STAG1: variants seen among roughly 807,000 people sequenced by gnomAD.
STAG1 encodes the protein STAG1 cohesin complex component.
Under a neutral mutation model 170.9 loss-of-function variants are expected in STAG1, and 26 were observed. The observed-to-expected ratio is 0.15, with a 90% CI of 0.11 to 0.21. The LOEUF is 0.21. Among genes scored for constraint, STAG1 ranks in the 10% least tolerant of loss-of-function variants. The pLI is 1.00. For synonymous variants in STAG1, 514 were observed against 497.7 expected, an observed-to-expected ratio of 1.03 and a Z score of -0.44; for missense variants, 964 against 1,509.5, an observed-to-expected ratio of 0.64 and a Z score of 5.99.
intron 1 of STAG1, among the ~76,000 whole-genome samples, chr3:136,724,374 A>T (rs1198787502): frequency 6.6e-6 from 1 of 151,256 alleles, no homozygotes; most frequent in African/African-American, 2.4e-5. Context: ...GTGGTGCAAG[A>T]TGCGCTTTGT....
intron 2 of STAG1, among the ~76,000 whole-genome samples, chr3:136,630,179 T>A (rs1344187430): frequency 6.6e-6 from 1 of 151,924 alleles, no homozygotes; most frequent in Non-Finnish European, 1.5e-5. Context: ...TGGGCAACAG[T>A]GGAAAATTCC....
At chr3:136,736,141 T>A (rs1325997858) in intron 1 of STAG1, among the ~76,000 whole-genome samples, 1 of 152,204 alleles carries the variant, frequency 6.6e-6, no homozygotes, top group Admixed American at 6.5e-5. Context: ...TTAAAAAATA[T>A]GTTTAACTGT....
intron 16 of STAG1, among the ~76,000 whole-genome samples, chr3:136,428,881 T>A (rs1225123709): frequency 6.6e-6 from 1 of 152,168 alleles, no homozygotes; most frequent in African/African-American, 2.4e-5. Context: ...ACGTCTGTAA[T>A]CCCCGCACTG....
At chr3:136,485,638 TAC>T (rs951534538) in intron 9 of STAG1, among the ~76,000 whole-genome samples, 20 of 152,300 alleles carry the variant, frequency 1.3e-4, no homozygotes, top group African/African-American at 3.8e-4. Flanking sequence ...AGAAATATAA[TAC>T]AGTTAAAAAT....
intron 15 of STAG1, among the ~76,000 whole-genome samples, chr3:136,435,779 C>A (rs1405032711): frequency 6.6e-6 from 1 of 152,078 alleles, no homozygotes; most frequent in Non-Finnish European, 1.5e-5. Flanking sequence ...CAGTGATTCT[C>A]CTGCCTCAGC....
intron 1 of STAG1, among the ~76,000 whole-genome samples, chr3:136,730,098 C>A (rs993739291): frequency 2.0e-5 from 3 of 151,832 alleles, no homozygotes; most frequent in Admixed American, 1.3e-4. Flanking sequence ...CCCAGGCCCT[C>A]TGTCACTGCA....
At chr3:136,652,369 T>A (rs1044985164) in intron 1 of STAG1, among the ~76,000 whole-genome samples, 1 of 152,234 alleles carries the variant, frequency 6.6e-6, no homozygotes, top group Non-Finnish European at 1.5e-5. Context: ...AAGTTAAGCA[T>A]TTTTGCCTCA....
chr3:136,719,407 A>G (rs974600500), intron 1 of STAG1, among the ~76,000 whole-genome samples: 2 of 152,102 alleles, frequency 1.3e-5, no homozygotes, highest in African/African-American at 4.8e-5. Flanking sequence ...GGGTGATAGA[A>G]GTATTCTGAA....
At chr3:136,623,283 A>G (rs777402473) in intron 2 of STAG1, 35 bp from the exon 3 acceptor site, 5 of 1,577,592 alleles carry the variant, frequency 3.2e-6, no homozygotes, top group Non-Finnish European at 4.3e-6. Flanking sequence ...CGAACAAATT[A>G]ATAAGTATAA....
intron 4 of STAG1, among the ~76,000 whole-genome samples, chr3:136,571,897 A>G (rs781666515): frequency 6.6e-5 from 10 of 152,018 alleles, no homozygotes; most frequent in Admixed American, 1.3e-4. Context: ...AAATGAATAA[A>G]TAAGGCTGGG....
chr3:136,523,144 ACT>A (rs1213341897), intron 6 of STAG1, among the ~76,000 whole-genome samples: 2 of 152,166 alleles, frequency 1.3e-5, no homozygotes, highest in African/African-American at 4.8e-5. Flanking sequence ...GAATCGCCAC[ACT>A]GTCTTCCACA....
At chr3:136,501,989 C>T (rs1325793460) in intron 8 of STAG1, among the ~76,000 whole-genome samples, 2 of 152,032 alleles carry the variant, frequency 1.3e-5, no homozygotes, top group African/African-American at 2.4e-5. Context: ...CGAGACCAGC[C>T]TGACCAACAT....
At chr3:136,459,160 G>A (rs1393596663) in intron 13 of STAG1, among the ~76,000 whole-genome samples, 1 of 151,258 alleles carries the variant, frequency 6.6e-6, no homozygotes, top group African/African-American at 2.4e-5. Flanking sequence ...GGAGGTTGCA[G>A]TGAGCCAAGA....
At chr3:136,630,646 A>C (rs1472234250) in intron 2 of STAG1, among the ~76,000 whole-genome samples, 6 of 152,246 alleles carry the variant, frequency 3.9e-5, no homozygotes, top group African/African-American at 1.4e-4. Flanking sequence ...GGACATTAAC[A>C]TCTTTTTTGT....
At chr3:136,657,581 GGAGGCTAAAGCCA>G (rs1941432277) in intron 1 of STAG1, among the ~76,000 whole-genome samples, 1 of 152,264 alleles carries the variant, frequency 6.6e-6, no homozygotes, top group South Asian at 2.1e-4. Flanking sequence ...AAACATTTTG[GGAGGCTAAAGCCA>G]GTGGATTGCT....
At chr3:136,565,977 A>C (rs186008935) in intron 5 of STAG1, among the ~76,000 whole-genome samples, 60 of 152,310 alleles carry the variant, frequency 3.9e-4, no homozygotes, top group Admixed American at 3.1e-3. Context: ...AGGACTGGCA[A>C]ATCCTCAGGG....
At chr3:136,663,901 C>G (rs533418770) in intron 1 of STAG1, among the ~76,000 whole-genome samples, 6 of 152,010 alleles carry the variant, frequency 3.9e-5, no homozygotes, top group Non-Finnish European at 7.4e-5. Flanking sequence ...AAGGAAACTG[C>G]AGCAAAGATA....
In STAG1 at chr3:136,422,371, T is replaced by A. The variant is rs566175259; in HGVS notation, c.2037+39A>T. The stretch of plus-strand genomic sequence containing the variant: ...CTCAGCTATCTTAAGTAATTCTCAG[T>A]CAATATTATTATATGTACACATTAA... On this transcript the variant is annotated intron_variant, in intron 19 of 33. Transcript: ENST00000383202. 7.1e-6 allele frequency: 11 copies of A among 1,559,474 alleles called. No homozygotes were observed. In the South Asian group the frequency reaches 1.2e-4, roughly 18 times the overall value.
intron 4 of STAG1, among the ~76,000 whole-genome samples, chr3:136,590,471 T>C (rs544336055): frequency 1.2e-3 from 176 of 149,486 alleles, no homozygotes; most frequent in African/African-American, 2.5e-3. Context: ...CCAGCCTGGG[T>C]GACAGAACAA....
Sources: allele counts gnomAD v4.1 joint callset (sites outside exome capture counted in the v4.1 genomes callset), GRCh38; gene constraint gnomAD v4.1.1; transcripts MANE v1.5; gene names NCBI Gene and HGNC (gene_info 2026-07-23, HGNC 2026-07-21).